The following ARHGEF7 variants were observed in gnomAD, a reference collection of about 807,000 sequenced individuals.
ARHGEF7 encodes PAK-interacting exchange factor beta.
In ARHGEF7, 33 loss-of-function variants were observed where a neutral mutation model predicts 109.8. The observed-to-expected ratio is 0.30, with a 90% CI of 0.23 to 0.40. The LOEUF (loss-of-function observed/expected upper bound fraction) is 0.40. Among genes scored for constraint, ARHGEF7 ranks in the 10% least tolerant of loss-of-function variants. ARHGEF7 has a pLI of 1.00. For synonymous variants in ARHGEF7, 458 were observed against 424.6 expected (o/e 1.08, Z -0.97); for missense variants, 938 against 1,098.5 (o/e 0.85, Z 2.07).
chr13:111,175,138 T>C (rs1189930271), intron 2 of ARHGEF7, among the ~76,000 whole-genome samples: 1 of 152,238 alleles, frequency 6.6e-6, no homozygotes, highest in African/African-American at 2.4e-5. Flanking sequence ...GGTAAGCTGC[T>C]TATTTCTTTT....
At position 111,304,992 on chromosome 13, in the gene ARHGEF7, T is replaced by A. The variant is rs2093627594; in HGVS notation, c.*1879T>A. 1 of 152,244 alleles carries A rather than the reference T, an allele frequency of 6.6e-6. No homozygotes were observed. Among genetic ancestry groups the A allele is most frequent in the Non-Finnish European group, 1.5e-5 (1 of 68,060 alleles). The allele number at this position is 152,244 out of a possible 1,614,324, so 9.4% of individuals were successfully genotyped here. A position where few individuals can be genotyped will look rare whatever the true frequency, so the allele number is the denominator to read the frequency against. On this transcript the variant is annotated 3_prime_UTR_variant, in exon 22 of 22. Coordinates refer to ENST00000646102, the MANE Select transcript of ARHGEF7 (RefSeq NM_001354046.2). Reference sequence around the variant, plus strand: ...TAACTCAGGAACAACTCTTGTCTGATCTCTCCGCCCCTCTGCCGGGAGGCG... The same window carrying A: ...TAACTCAGGAACAACTCTTGTCTGAACTCTCCGCCCCTCTGCCGGGAGGCG...
intron 2 of ARHGEF7, among the ~76,000 whole-genome samples, chr13:111,201,060 C>T (rs763116948): frequency 1.5e-4 from 23 of 152,154 alleles, no homozygotes; most frequent in Non-Finnish European, 3.2e-4. Context: ...TCCTCCATGC[C>T]ATTGTCTTCT....
intron 1 of ARHGEF7, among the ~76,000 whole-genome samples, chr13:111,122,901 G>A (rs994088997): frequency 3.3e-5 from 5 of 152,192 alleles, no homozygotes; most frequent in Admixed American, 1.3e-4. Flanking sequence ...TGGGAGAACC[G>A]TTCACACTGT....
chr13:111,156,080 CAA>C (rs56803261), intron 2 of ARHGEF7, among the ~76,000 whole-genome samples: 8 of 123,690 alleles, frequency 6.5e-5, no homozygotes, highest in Admixed American at 5.0e-4. Flanking sequence ...AAGACTCCCT[CAA>C]AAAAAAAAAA....
chr13:111,173,743 C>G (rs1342157169), intron 2 of ARHGEF7, among the ~76,000 whole-genome samples: 1 of 151,728 alleles, frequency 6.6e-6, no homozygotes, highest in East Asian at 1.9e-4. Context: ...ATGGAGATGT[C>G]TCGTGTTTGA....
intron 8 of ARHGEF7, among the ~76,000 whole-genome samples, chr13:111,262,143 G>A (rs550408910): frequency 7.2e-5 from 11 of 152,278 alleles, no homozygotes; most frequent in Non-Finnish European, 1.3e-4. Flanking sequence ...TATTACAAAA[G>A]ATCGATGAAA....
intron 18 of ARHGEF7, among the ~76,000 whole-genome samples, chr13:111,290,350 TTA>T (rs2093224838): frequency 2.0e-5 from 3 of 149,254 alleles, no homozygotes; most frequent in South Asian, 4.2e-4. Flanking sequence ...ATAATTATAC[TTA>T]TAACAGCTAT....
rs535670951 is a variant in ARHGEF7, at chr13:111,255,201, G to C, written c.950+10907G>C. Among the ~76,000 whole-genome samples the C allele has an allele frequency of 1.3e-4, 20 of 152,246 alleles. No individual in the cohort carries two copies. Among genetic ancestry groups the C allele is most frequent in the African/African-American group, 4.3e-4 (18 of 41,544 alleles). ...GTCGCTAACGTGAAGGCCGGGCTCA[G>C]AAGAGGATTCGGGCTAAGGCGCTGA... On this transcript the variant is annotated intron_variant, in intron 8 of 21. Transcript: ENST00000646102. The surrounding 1 kb of genome is among the most constrained non-coding windows in gnomAD (Gnocchi z 4.1).
chr13:111,243,922 G>T lies in ARHGEF7; in HGVS notation c.810G>T (p.Gln270His), dbSNP rs756511119. The T allele has an allele frequency of 2.5e-6, 4 of 1,613,458 alleles. No individual in the cohort carries two copies. Among genetic ancestry groups the T allele is most frequent in the South Asian group, 1.1e-5 (1 of 90,968 alleles). ...ETENEYSKEL[Q>H]TVLSTYLRPL... ...AAAATGAATATTCTAAAGAACTTCA[G>T]ACTGTGCTTTCAACGTACCTACGGC... Residue 270 changes from glutamine (Q) to histidine (H), a missense_variant, in exon 7 of 22, where the codon CAG becomes CAT. By Grantham distance (24) the Gln-to-His change is conservative. Around this residue, in one of 4 missense-constraint regions of ARHGEF7, gnomAD observed 585 missense variants for 723.6 expected, o/e 0.81. Transcript: ENST00000646102.
At chr13:111,237,495 A>G (rs2086995664) in intron 6 of ARHGEF7, among the ~76,000 whole-genome samples, 2 of 152,244 alleles carry the variant, frequency 1.3e-5, no homozygotes, top group South Asian at 4.1e-4. Context: ...GAAGTGATCA[A>G]GTTCTTTAAT....
chr13:111,244,818 C>T (rs2088497341), intron 8 of ARHGEF7, among the ~76,000 whole-genome samples: 1 of 152,176 alleles, frequency 6.6e-6, no homozygotes, highest in Non-Finnish European at 1.5e-5. Flanking sequence ...TTAATCAAGA[C>T]CATTCCAGTC....
At position 111,303,313 on chromosome 13, in the gene ARHGEF7, G is replaced by A; in HGVS notation, c.*200G>A. 1 of 463,800 alleles carries A rather than the reference G, an allele frequency of 2.2e-6. No homozygotes were observed. Among genetic ancestry groups the A allele is most frequent in the Non-Finnish European group, 3.8e-6 (1 of 265,144 alleles). The allele number at this position is 463,800 out of a possible 1,614,324, so 28.7% of individuals were successfully genotyped here. ...CTGATGAATCCAGACAGGAGGGATT[G>A]ACTCTGAGGACCTGAGCTACATCAA... is the stretch of plus-strand genomic sequence containing the variant. On this transcript the variant is annotated 3_prime_UTR_variant, in exon 22 of 22. Transcript: ENST00000646102.
intron 2 of ARHGEF7, among the ~76,000 whole-genome samples, chr13:111,163,684 C>T (rs1317052182): frequency 6.6e-6 from 1 of 152,054 alleles, no homozygotes; most frequent in Non-Finnish European, 1.5e-5. Flanking sequence ...CAGGCATGCA[C>T]CACTATGCCT....
chr13:111,211,928 C>T (rs1023021259), intron 4 of ARHGEF7, among the ~76,000 whole-genome samples: 4 of 152,116 alleles, frequency 2.6e-5, no homozygotes, highest in African/African-American at 7.2e-5. Flanking sequence ...TCATATTAAA[C>T]CTAAGCTTTG....
chr13:111,249,090 A>G (rs560416308), intron 8 of ARHGEF7, among the ~76,000 whole-genome samples: 1 of 152,340 alleles, frequency 6.6e-6, no homozygotes, highest in East Asian at 1.9e-4. Flanking sequence ...AGATTTGGGC[A>G]GAATTTAGAG....
At chr13:111,294,014 C>A in intron 19 of ARHGEF7, 1 of 985,344 alleles carries the variant, frequency 1.0e-6, no homozygotes, top group African/African-American at 1.7e-5. Context: ...AATATTTGTT[C>A]CCAAGTAGCT....
chr13:111,295,382 T>C (rs1422515026), intron 19 of ARHGEF7, among the ~76,000 whole-genome samples: 2 of 152,234 alleles, frequency 1.3e-5, no homozygotes, highest in Admixed American at 1.3e-4. Flanking sequence ...CAAGACGAAG[T>C]CACTCCTTGT....
In ARHGEF7 at chr13:111,265,480, C is replaced by A. The variant is rs544661876; in HGVS notation, c.951-2068C>A. On this transcript the variant is annotated intron_variant, in intron 8 of 21. Coordinates refer to ENST00000646102, the MANE Select transcript of ARHGEF7 (RefSeq NM_001354046.2). ...CTGATTCTCCTGACTATGACTTTCTCCAGCCAGTACTTAGCCGCGGAGCGG... is the reference window on the plus strand; with the variant it reads ...CTGATTCTCCTGACTATGACTTTCTACAGCCAGTACTTAGCCGCGGAGCGG... 14 of 431,030 alleles carry A rather than the reference C, an allele frequency of 3.2e-5. No homozygotes were observed. The East Asian group carries it at 8.6e-4, about 26-fold the overall frequency. The allele number at this position is 431,030 out of a possible 1,614,324, so 26.7% of individuals were successfully genotyped here. A position where few individuals can be genotyped will look rare whatever the true frequency, so the allele number is the denominator to read the frequency against.
At chr13:111,267,840 A>G (rs1273132375) in intron 9 of ARHGEF7, among the ~76,000 whole-genome samples, 170 bp downstream of exon 9, 1 of 152,218 alleles carries the variant, frequency 6.6e-6, no homozygotes, top group African/African-American at 2.4e-5. Context: ...CTTTAAAATG[A>G]TGGTGAGTAT....
Sources: allele counts gnomAD v4.1 joint callset (sites outside exome capture counted in the v4.1 genomes callset), GRCh38; gene constraint gnomAD v4.1.1; regional missense constraint gnomAD v4.1.1; non-coding constraint Gnocchi (gnomAD v3.1); transcripts MANE v1.5; gene names NCBI Gene and HGNC (gene_info 2026-07-23, HGNC 2026-07-21).